The following CPA6 variants were observed in gnomAD, a reference collection of about 807,000 sequenced individuals.
The protein encoded by CPA6 is carboxypeptidase A6, also known as carboxypeptidase B.
Under a neutral mutation model 63.3 loss-of-function variants are expected in CPA6, and 58 were observed. That is an observed-to-expected ratio of 0.92 (90% CI 0.74 to 1.14). The LOEUF (loss-of-function observed/expected upper bound fraction) is 1.14, where lower values mean the gene tolerates loss of function less well. Ranked by LOEUF, CPA6 falls within the 50% of genes most tolerant of loss-of-function variation. CPA6 has a pLI of 0.00. For missense variants in CPA6, 565 were observed against 526.6 expected (o/e 1.07, Z -0.71); for synonymous variants, 185 against 179.0 (o/e 1.03, Z -0.27).
At chr8:67,711,380 A>T (rs1204324149) in intron 1 of CPA6, among the ~76,000 whole-genome samples, 2 of 152,252 alleles carry the variant, frequency 1.3e-5, no homozygotes, top group Non-Finnish European at 2.9e-5. Flanking sequence ...TAAATAGTAC[A>T]GAAAATATCA....
In CPA6 at chr8:67,483,705, T is replaced by C. The variant is rs540080605; in HGVS notation, c.838+63A>G. On this transcript the variant is annotated intron_variant, in intron 8 of 10. Transcript: ENST00000297770. ...CTCCCATGAGAGTCCTCTGGACTCA[T>C]ATTTTGCAGAGTAAAACCTGCAGAA... is the stretch of plus-strand genomic sequence containing the variant. 3.5e-5 allele frequency: 47 copies of C among 1,341,552 alleles called. No homozygotes were observed. The South Asian group carries it at 5.4e-4, about 15-fold the overall frequency. 83.1% of individuals were successfully genotyped at this position (1,341,552 alleles called of 1,614,324 possible).
intron 6 of CPA6, among the ~76,000 whole-genome samples, chr8:67,499,096 T>C (rs761798031): frequency 6.6e-5 from 10 of 152,248 alleles, no homozygotes; most frequent in Non-Finnish European, 1.5e-4. Flanking sequence ...GGTAGTTTGC[T>C]TCTGTATCAC....
chr8:67,593,204 T>A (rs1425132368), intron 2 of CPA6, among the ~76,000 whole-genome samples: 2 of 150,750 alleles, frequency 1.3e-5, no homozygotes, highest in Non-Finnish European at 3.0e-5. Flanking sequence ...TTTGAGTGAG[T>A]TTCTTAATCC....
At chr8:67,736,931 T>A (rs1342254907) in intron 1 of CPA6, among the ~76,000 whole-genome samples, 2 of 152,228 alleles carry the variant, frequency 1.3e-5, no homozygotes. Context: ...AAATATTTAG[T>A]TGGTTCCCTC....
chr8:67,743,183 C>G (rs2553667), intron 1 of CPA6, among the ~76,000 whole-genome samples: 92,289 of 152,066 alleles, frequency 0.61, 32,055 homozygotes, highest in Non-Finnish European at 0.75. Context: ...CGTTATTTTC[C>G]ACTTTGCTTC....
In CPA6 at chr8:67,700,443, G is replaced by A. The variant is rs573834482; in HGVS notation, c.116+45571C>T. On this transcript the variant is annotated intron_variant, in intron 1 of 10. Transcript: ENST00000297770. The stretch of plus-strand genomic sequence containing the variant: ...TACTGGTGGCATTTCCTCAGACAAA[G>A]AAAGTCTTTTGCAATTTGGGGATTT... Among the ~76,000 whole-genome samples the A allele has an allele frequency of 1.5e-4, 23 of 152,268 alleles. No individual in the cohort carries two copies. The South Asian group carries it at 4.8e-3, about 32-fold the overall frequency.
At chr8:67,611,777 G>A (rs1814812472) in intron 2 of CPA6, among the ~76,000 whole-genome samples, 1 of 152,188 alleles carries the variant, frequency 6.6e-6, no homozygotes, top group African/African-American at 2.4e-5. Context: ...TCTCTGGCAA[G>A]TTTTGCTCAT....
At chr8:67,475,777 CTTTCTTTCTTTCTTTCTTTCTTT>C (rs1811165571) in intron 8 of CPA6, among the ~76,000 whole-genome samples, 1 of 58,174 alleles carries the variant, frequency 1.7e-5, no homozygotes, top group Non-Finnish European at 3.1e-5. Context: ...CTCTTTCTTT[CTTTCTTTCTTTCTTTCTTTCTTT>C]CTTTCTTTCT....
At chr8:67,741,854 A>C (rs1817918987) in intron 1 of CPA6, among the ~76,000 whole-genome samples, 1 of 152,166 alleles carries the variant, frequency 6.6e-6, no homozygotes, top group Non-Finnish European at 1.5e-5. Context: ...CAATAAATGT[A>C]ATGCACTTGA....
chr8:67,483,944 T>C, intron 7 of CPA6, 86 bp from the exon 8 acceptor site: 1 of 1,086,486 alleles, frequency 9.2e-7, no homozygotes, highest in Non-Finnish European at 1.4e-6. Context: ...AATGAAAGAG[T>C]CATACCACTG....
chr8:67,718,559 C>G (rs1817428027), intron 1 of CPA6, among the ~76,000 whole-genome samples: 2 of 152,010 alleles, frequency 1.3e-5, no homozygotes, highest in African/African-American at 4.8e-5. Context: ...AGAGTCTCTT[C>G]TCCACATCTT....
Position 67,638,099 on chromosome 8 carries a change from T to C in CPA6, c.117-13848A>G, listed in dbSNP as rs569776291. 2.0e-5 allele frequency among the ~76,000 whole-genome samples: 3 copies of C among 151,094 alleles called. No individual in the cohort carries two copies. In the South Asian group the frequency reaches 6.2e-4, roughly 31 times the overall value. On this transcript the variant is annotated intron_variant, in intron 1 of 10. Transcript: ENST00000297770. ...AGAAATTCTAAGATGCCCAACACAA[T>C]GAGTGAAGCTAACACTGGGGCCAGT...
chr8:67,460,777 A>C (rs1810782019), intron 8 of CPA6, among the ~76,000 whole-genome samples: 1 of 152,224 alleles, frequency 6.6e-6, no homozygotes, highest in South Asian at 2.1e-4. Context: ...TTATCTATAT[A>C]ATAAAAGAAT....
rs551063943 is a variant in CPA6, at chr8:67,520,958, A to T, written c.193-2911T>A. On this transcript the variant is annotated intron_variant, in intron 2 of 10. Coordinates refer to ENST00000297770, the MANE Select transcript of CPA6 (RefSeq NM_020361.5). ...TTGTCCCATAAATTCATATGCAGGT[A>T]TTTCAAGGTTCTAATCAGCCCCCTG... is the stretch of plus-strand genomic sequence containing the variant. Among the ~76,000 whole-genome samples, 8 of 152,326 alleles carry T rather than the reference A, an allele frequency of 5.3e-5. No individual in the cohort carries two copies. In the South Asian group the frequency reaches 1.7e-3, roughly 32 times the overall value.
At chr8:67,743,636 T>C (rs559547767) in intron 1 of CPA6, among the ~76,000 whole-genome samples, 3 of 132,402 alleles carry the variant, frequency 2.3e-5, no homozygotes, top group Non-Finnish European at 5.3e-5. Context: ...CCCAAGGCAA[T>C]TTTTTTTTTC....
intron 2 of CPA6, among the ~76,000 whole-genome samples, chr8:67,548,862 T>G (rs1189099725): frequency 6.6e-6 from 1 of 152,112 alleles, no homozygotes; most frequent in African/African-American, 2.4e-5. Context: ...GATACTGCAG[T>G]TCCAGAGATT....
chr8:67,707,055 TG>T (rs1398924030), intron 1 of CPA6, among the ~76,000 whole-genome samples: 1 of 152,250 alleles, frequency 6.6e-6, no homozygotes, highest in African/African-American at 2.4e-5. Flanking sequence ...AATTGTTCTT[TG>T]ACTGTGGCTT....
intron 8 of CPA6, among the ~76,000 whole-genome samples, chr8:67,434,771 C>T (rs1810109874): frequency 6.6e-6 from 1 of 152,232 alleles, no homozygotes; most frequent in African/African-American, 2.4e-5. Context: ...ACCCCTTCCT[C>T]AGCCTGTCGG....
chr8:67,524,826 C>T (rs891202519), intron 2 of CPA6, among the ~76,000 whole-genome samples: 2 of 152,068 alleles, frequency 1.3e-5, no homozygotes, highest in Non-Finnish European at 2.9e-5. Context: ...ATTCTGAATC[C>T]TATTTCCCCT....
Sources: allele counts gnomAD v4.1 joint callset (sites outside exome capture counted in the v4.1 genomes callset), GRCh38; gene constraint gnomAD v4.1.1; transcripts MANE v1.5; gene names NCBI Gene and HGNC (gene_info 2026-07-23, HGNC 2026-07-21).